The following AGMO variants were observed in gnomAD, a reference collection of about 807,000 sequenced individuals.
AGMO encodes the protein glyceryl-ether monooxygenase.
AGMO carries 75 observed loss-of-function variants against 60.2 expected under a neutral mutation model. The observed-to-expected ratio is 1.25, with a 90% CI of 1.03 to 1.51. The LOEUF (loss-of-function observed/expected upper bound fraction) is 1.51, where lower values mean the gene tolerates loss of function less well. AGMO is among the 40% of genes most tolerant of loss of function. The pLI is 0.00. For synonymous variants in AGMO, 261 were observed against 177.1 expected, an observed-to-expected ratio of 1.47 and a Z score of -3.76; for missense variants, 763 against 525.5, an observed-to-expected ratio of 1.45 and a Z score of -4.42.
chr7:15,226,567 T>C (rs1032918980), intron 12 of AGMO, among the ~76,000 whole-genome samples: 4 of 151,928 alleles, frequency 2.6e-5, no homozygotes, highest in Admixed American at 6.6e-5. Context: ...TTTTAAAGAG[T>C]AGAAATATGG....
chr7:15,465,194 G>A (rs187591232), intron 3 of AGMO, among the ~76,000 whole-genome samples: 1 of 151,922 alleles, frequency 6.6e-6, no homozygotes, highest in East Asian at 1.9e-4. Flanking sequence ...TACCTATTGC[G>A]AGCCGAACTC....
chr7:15,440,609 C>A (rs1781526632), intron 3 of AGMO, among the ~76,000 whole-genome samples: 1 of 152,108 alleles, frequency 6.6e-6, no homozygotes, highest in South Asian at 2.1e-4. Context: ...GTATGGTGCT[C>A]ATGGTTTCAC....
At chr7:15,344,388 T>C (rs1425780086) in intron 12 of AGMO, among the ~76,000 whole-genome samples, 1 of 152,084 alleles carries the variant, frequency 6.6e-6, no homozygotes, top group East Asian at 1.9e-4. Flanking sequence ...AAAAACATTT[T>C]ATAATTTAAA....
At chr7:15,358,418 C>G (rs1425484927) in intron 12 of AGMO, 2 of 470,720 alleles carry the variant, frequency 4.2e-6, no homozygotes, top group Non-Finnish European at 8.8e-6. Context: ...AATTAGATTG[C>G]AGAGTTGGAA....
chr7:15,332,486 C>T (rs566321756), intron 12 of AGMO, among the ~76,000 whole-genome samples: 62 of 152,242 alleles, frequency 4.1e-4, no homozygotes, highest in African/African-American at 1.4e-3. Context: ...TTCTAATGTA[C>T]TCATTATATC....
chr7:15,539,468 A>G (rs1239174464), intron 3 of AGMO, among the ~76,000 whole-genome samples: 1 of 112,734 alleles, frequency 8.9e-6, no homozygotes, highest in African/African-American at 2.7e-5. Flanking sequence ...AAAGGACATG[A>G]TCTCTTTCTT....
chr7:15,276,741 C>T (rs1356064542), intron 12 of AGMO, among the ~76,000 whole-genome samples: 1 of 151,880 alleles, frequency 6.6e-6, no homozygotes, highest in East Asian at 1.9e-4. Context: ...TTTTTAAAAT[C>T]CTCTTTTCTT....
chr7:15,419,761 T>A (rs1780875298), intron 4 of AGMO, among the ~76,000 whole-genome samples: 1 of 151,986 alleles, frequency 6.6e-6, no homozygotes, highest in South Asian at 2.1e-4. Flanking sequence ...AGATCAATTT[T>A]TAGTCCATGT....
intron 3 of AGMO, among the ~76,000 whole-genome samples, chr7:15,433,400 C>T (rs888395178): frequency 4.6e-5 from 7 of 151,786 alleles, no homozygotes; most frequent in African/African-American, 1.2e-4. Context: ...TAACAGCATC[C>T]TACTGCCTCA....
At chr7:15,542,199 T>A (rs533757033) in intron 3 of AGMO, among the ~76,000 whole-genome samples, 1 of 152,190 alleles carries the variant, frequency 6.6e-6, no homozygotes, top group Non-Finnish European at 1.5e-5. Flanking sequence ...TACATTTAAA[T>A]AAGTTACTTT....
intron 8 of AGMO, among the ~76,000 whole-genome samples, chr7:15,387,921 T>C (rs541402200): frequency 0.036 from 5,299 of 146,806 alleles, 153 homozygotes; most frequent in African/African-American, 0.084. Context: ...TTTTTTTTTT[T>C]CCCCAAGACA....
chr7:15,173,242 G>C, the AGMO span, among the ~76,000 whole-genome samples: 4 of 152,092 alleles, frequency 2.6e-5, no homozygotes, highest in African/African-American at 9.6e-5. Context: ...TTATTCACTT[G>C]TATCACTGCA....
chr7:15,282,790 T>C (rs557973133), intron 12 of AGMO, among the ~76,000 whole-genome samples: 1 of 152,120 alleles, frequency 6.6e-6, no homozygotes, highest in Admixed American at 6.5e-5. Context: ...ATATACTCAT[T>C]GGGATTTCTA....
At chr7:15,429,946 G>A (rs977381787) in intron 4 of AGMO, among the ~76,000 whole-genome samples, 11 of 151,986 alleles carry the variant, frequency 7.2e-5, no homozygotes, top group African/African-American at 2.7e-4. Context: ...ATGGAGGCAT[G>A]TAGAAGAGCA....
rs148561586 is a variant in AGMO, at chr7:15,388,118, T to A, written c.823-578A>T. On this transcript the variant is annotated intron_variant, in intron 8 of 12. Coordinates refer to ENST00000342526, the MANE Select transcript of AGMO (RefSeq NM_001004320.2). ...CGACAGGGTTTCTGTTTTGGCTTTA[T>A]CAGAATTTGTGATTTTGCTAGTTTT... Among the ~76,000 whole-genome samples the A allele has an allele frequency of 5.6e-3, 858 of 152,220 alleles. 3 individuals are homozygous for A. The highest frequency in any genetic ancestry group is 0.012 in the African/African-American group (496 of 41,546).
intron 12 of AGMO, among the ~76,000 whole-genome samples, chr7:15,321,100 C>G (rs1427383609): frequency 6.6e-6 from 1 of 152,090 alleles, no homozygotes; most frequent in Non-Finnish European, 1.5e-5. Context: ...TTCAAAAGCT[C>G]CAAAATCCCA....
intron 3 of AGMO, among the ~76,000 whole-genome samples, chr7:15,461,198 C>A (rs6461184): frequency 0.79 from 120,507 of 151,976 alleles, 48,782 homozygotes; most frequent in African/African-American, 0.87. Context: ...AGTCAACTGC[C>A]TCATTATCAC....
At position 15,550,478 on chromosome 7, in the gene AGMO, A is replaced by T. The variant is rs185262024; in HGVS notation, c.258-5555T>A. ...AAATAGACACTATAAAAAATGATAA[A>T]GGGGATATCACCACCCATCCCACAG... On this transcript the variant is annotated intron_variant, in intron 2 of 12. Coordinates refer to ENST00000342526, the MANE Select transcript of AGMO (RefSeq NM_001004320.2). Among the ~76,000 whole-genome samples, 42 of 152,310 alleles carry T rather than the reference A, an allele frequency of 2.8e-4. No homozygotes were observed. In the East Asian group the frequency reaches 7.1e-3, roughly 26 times the overall value.
intron 12 of AGMO, among the ~76,000 whole-genome samples, chr7:15,267,606 C>T (rs1183236176): frequency 2.6e-5 from 4 of 151,938 alleles, no homozygotes; most frequent in Non-Finnish European, 5.9e-5. Flanking sequence ...ATCCATCTTT[C>T]CTTTGTGGCT....
Sources: allele counts gnomAD v4.1 joint callset (sites outside exome capture counted in the v4.1 genomes callset), GRCh38; gene constraint gnomAD v4.1.1; transcripts MANE v1.5; gene names NCBI Gene and HGNC (gene_info 2026-07-23, HGNC 2026-07-21).